DSCAM: variants seen among roughly 807,000 people sequenced by gnomAD.
DSCAM encodes the protein cell adhesion molecule DSCAM.
In DSCAM, 47 loss-of-function variants were observed where a neutral mutation model predicts 217.7. That is an observed-to-expected ratio of 0.22 (90% CI 0.17 to 0.28). The LOEUF (loss-of-function observed/expected upper bound fraction) is 0.28. Among genes scored for constraint, DSCAM ranks in the 10% least tolerant of loss-of-function variants. The pLI is 1.00. For synonymous variants in DSCAM, 1,056 were observed against 1,015.3 expected (o/e 1.04, Z -0.76); for missense variants, 2,080 against 2,618.3 (o/e 0.79, Z 4.49).
chr21:40,781,896 C>G (rs1043393421), intron 1 of DSCAM, among the ~76,000 whole-genome samples: 3 of 148,658 alleles, frequency 2.0e-5, no homozygotes, highest in African/African-American at 7.4e-5. Flanking sequence ...CGCCTGTAAT[C>G]CCAGCACTTT....
chr21:40,314,368 C>T (rs1046056541), intron 8 of DSCAM, among the ~76,000 whole-genome samples: 14 of 152,112 alleles, frequency 9.2e-5, no homozygotes, highest in African/African-American at 3.1e-4. Flanking sequence ...GTCAATCCTC[C>T]TGTGGATTCT....
intron 21 of DSCAM, among the ~76,000 whole-genome samples, chr21:40,092,704 G>A (rs1462496031): frequency 3.3e-5 from 5 of 152,142 alleles, no homozygotes; most frequent in Non-Finnish European, 5.9e-5. Context: ...CCACAGCTCA[G>A]TCCTTATGTC....
intron 28 of DSCAM, among the ~76,000 whole-genome samples, chr21:40,056,583 T>C (rs904313033): frequency 3.9e-5 from 6 of 152,022 alleles, no homozygotes; most frequent in African/African-American, 1.4e-4. Flanking sequence ...TCTAAAAAAG[T>C]CAATAAAGAC....
At chr21:40,063,382 G>T (rs2089152423) in intron 27 of DSCAM, among the ~76,000 whole-genome samples, 1 of 151,448 alleles carries the variant, frequency 6.6e-6, no homozygotes, top group Admixed American at 6.6e-5. Context: ...TGTTTATTTT[G>T]AATTCAGAAA....
intron 11 of DSCAM, among the ~76,000 whole-genome samples, chr21:40,226,293 CAT>C (rs1407495853): frequency 1.3e-5 from 2 of 152,158 alleles, no homozygotes; most frequent in Non-Finnish European, 2.9e-5. Context: ...ATGTGGAACA[CAT>C]AGTTTTATTT....
intron 19 of DSCAM, among the ~76,000 whole-genome samples, chr21:40,125,832 G>C (rs1037672304): frequency 2.6e-5 from 4 of 152,162 alleles, no homozygotes; most frequent in African/African-American, 9.7e-5. Context: ...TGAACAACAA[G>C]GGCAGAGTGA....
At chr21:40,040,747 C>CCAA (rs2088732119) in intron 32 of DSCAM, among the ~76,000 whole-genome samples, 1 of 152,172 alleles carries the variant, frequency 6.6e-6, no homozygotes, top group South Asian at 2.1e-4. Context: ...TACACAGTCA[C>CCAA]CAACGCCATT....
At chr21:40,731,883 AT>A (rs2091016724) in intron 1 of DSCAM, among the ~76,000 whole-genome samples, 1 of 151,906 alleles carries the variant, frequency 6.6e-6, no homozygotes. Flanking sequence ...TGTGCACCAC[AT>A]CTGGCTAATT....
At chr21:40,178,878 GT>G (rs750903173) in intron 15 of DSCAM, 48 bp downstream of exon 15, 2 of 1,609,890 alleles carry the variant, frequency 1.2e-6, no homozygotes, top group Admixed American at 3.3e-5. Flanking sequence ...GCCCTCAAGA[GT>G]TAGCTCCCGG....
intron 3 of DSCAM, among the ~76,000 whole-genome samples, chr21:40,399,481 C>T (rs1451741717): frequency 3.3e-5 from 5 of 152,154 alleles, no homozygotes; most frequent in African/African-American, 1.2e-4. Context: ...TTGTCAATTC[C>T]TGTGTGCATG....
At position 40,103,618 on chromosome 21, in the gene DSCAM, G is replaced by A. The variant is rs564082060; in HGVS notation, c.3697-9744C>T. Among the ~76,000 whole-genome samples, 5 of 152,000 alleles carry A rather than the reference G, an allele frequency of 3.3e-5. No homozygotes were observed. In the South Asian group the frequency reaches 1.0e-3, roughly 31 times the overall value. The stretch of plus-strand genomic sequence containing the variant: ...TGAGAGGCCAACATTGGTAGAAATG[G>A]GATAACAGCCAGGCAATTCTGGTAG... On this transcript the variant is annotated intron_variant, in intron 20 of 32. Transcript: ENST00000400454.
In DSCAM at chr21:40,013,257, C is replaced by T; in HGVS notation, c.5816G>A (p.Arg1939His). 6.2e-7 allele frequency: 1 copy of T among 1,613,768 alleles called. No individual in the cohort carries two copies. The highest frequency in any genetic ancestry group is 8.5e-7 in the Non-Finnish European group (1 of 1,179,886). Reference protein sequence around the residue: ...LEPQKSRTLKRPTVLEPIPME... With the variant: ...LEPQKSRTLKHPTVLEPIPME... The stretch of plus-strand genomic sequence containing the variant: ...CGGGATGGGCTCCAGGACCGTGGGG[C>T]GCTTCAGGGTCCGGCTTTTCTGAGG... Residue 1939 changes from arginine to histidine, a missense_variant, in exon 33 of 33, where the codon CGC becomes CAC. By Grantham distance (29) the Arg-to-His change is conservative. Coordinates refer to ENST00000400454, the MANE Select transcript of DSCAM (RefSeq NM_001389.5).
chr21:40,244,249 G>A (rs1236926961), intron 11 of DSCAM, among the ~76,000 whole-genome samples: 3 of 152,042 alleles, frequency 2.0e-5, no homozygotes, highest in South Asian at 2.1e-4. Flanking sequence ...TCAGGAGTTC[G>A]AGACCAGACT....
At chr21:40,027,105 G>A (rs1360713604) in intron 32 of DSCAM, among the ~76,000 whole-genome samples, 18 of 152,374 alleles carry the variant, frequency 1.2e-4, no homozygotes, top group Admixed American at 7.8e-4. Context: ...TTGCTTGTCT[G>A]TAAAGTATTT....
intron 3 of DSCAM, among the ~76,000 whole-genome samples, chr21:40,546,367 C>G (rs2076582657): frequency 6.6e-6 from 1 of 152,356 alleles, no homozygotes. Flanking sequence ...CAGGCAGACT[C>G]TGGCCCAAAG....
At chr21:40,433,834 G>A (rs2075559077) in intron 3 of DSCAM, among the ~76,000 whole-genome samples, 1 of 152,210 alleles carries the variant, frequency 6.6e-6, no homozygotes, top group Admixed American at 6.5e-5. Context: ...ATCATCTGAG[G>A]TAGAAGATAT....
intron 3 of DSCAM, among the ~76,000 whole-genome samples, chr21:40,637,598 T>TAAATATATAC (rs2089814712): frequency 1.4e-4 from 7 of 49,650 alleles, no homozygotes; most frequent in African/African-American, 5.0e-4. Flanking sequence ...TATATAAATA[T>TAAATATATAC]ATATATAAAT....
chr21:40,707,041 A>G (rs1398880340), intron 2 of DSCAM, among the ~76,000 whole-genome samples: 4 of 152,226 alleles, frequency 2.6e-5, no homozygotes, highest in Admixed American at 6.5e-5. Context: ...AGTGTCATGC[A>G]AAAACAATGA....
chr21:40,539,116 T>G (rs1426386713), intron 3 of DSCAM, among the ~76,000 whole-genome samples: 3 of 152,136 alleles, frequency 2.0e-5, no homozygotes, highest in African/African-American at 7.2e-5. Flanking sequence ...GGGGTCTCCA[T>G]GGGACAAGCT....
Sources: gnomAD v4.1 joint callset for allele counts (sites outside exome capture counted in the v4.1 genomes callset) on GRCh38, gnomAD v4.1.1 for gene constraint, MANE v1.5 for transcripts, NCBI Gene and HGNC (gene_info 2026-07-23, HGNC 2026-07-21) for gene names.